The following FLCN variants were observed in gnomAD, a reference collection of about 807,000 sequenced individuals.
FLCN encodes folliculin.
A neutral mutation model predicts 62.5 loss-of-function variants in FLCN; 22 were observed. The ratio of observed to expected loss-of-function variants is 0.35; its 90% CI spans 0.25 to 0.50. The LOEUF (loss-of-function observed/expected upper bound fraction) is 0.50. Among genes scored for constraint, FLCN ranks in the 20% least tolerant of loss-of-function variants. The pLI is 0.97. For missense variants in FLCN, 657 were observed against 778.0 expected, an observed-to-expected ratio of 0.84 and a Z score of 1.85; for synonymous variants, 319 against 310.0, an observed-to-expected ratio of 1.03 and a Z score of -0.30.
chr17:17,216,588 CG>C lies in FLCN; in HGVS notation c.1177-86del, dbSNP rs1310492341. The C allele has an allele frequency of 1.6e-5, 26 of 1,586,280 alleles. No homozygotes were observed. In the East Asian group the frequency reaches 5.9e-4, roughly 36 times the overall value. ...CATGCTCTACTACCCAAACCCCACA[CG>C]CCTCCTGCAGCCCGGTCCAAGCCCT... On this transcript the variant is annotated intron_variant, in intron 10 of 13. Transcript: ENST00000285071. This position sits in a 1 kb window ranked among gnomAD's most constrained non-coding sequence, Gnocchi z 4.0.
At chr17:17,223,666 C>T (rs530691205) in intron 6 of FLCN, among the ~76,000 whole-genome samples, 5 of 152,360 alleles carry the variant, frequency 3.3e-5, no homozygotes, top group African/African-American at 1.2e-4. Flanking sequence ...CACCAGGGGT[C>T]TGACTGCAGC....
intron 13 of FLCN, 97 bp downstream of exon 13, chr17:17,214,888 C>T (rs2046862437): frequency 1.8e-5 from 24 of 1,305,620 alleles, no homozygotes; most frequent in Admixed American, 1.0e-4. Flanking sequence ...CTCTCGGCTC[C>T]TCCCTCAGTG....
chr17:17,217,307 C>T (rs1297931535), intron 9 of FLCN, 125 bp from the exon 10 acceptor site: 2 of 748,110 alleles, frequency 2.7e-6, no homozygotes, highest in Middle Eastern at 2.4e-4. Flanking sequence ...GAGAAAGACA[C>T]TTATCTTCTC....
intron 4 of FLCN, among the ~76,000 whole-genome samples, chr17:17,227,312 C>T (rs766399626): frequency 4.6e-5 from 7 of 151,828 alleles, no homozygotes; most frequent in Non-Finnish European, 1.0e-4. Flanking sequence ...GTCCTGGGAG[C>T]AGGAAACTCC....
intron 3 of FLCN, among the ~76,000 whole-genome samples, chr17:17,231,193 G>A (rs12602871): frequency 0.14 from 21,722 of 152,172 alleles, 1,901 homozygotes; most frequent in South Asian, 0.25. Context: ...GAGAGACTCC[G>A]TCTCAAAATA....
Position 17,215,332 on chromosome 17 carries a change from G to T in FLCN, c.1301-16C>A. ...ACAGCAAACTCTGTAACAACACAAG[G>T]CCCGTGGCTCCTCATCTCCCCCATG... is the stretch of plus-strand genomic sequence containing the variant. On this transcript the variant is annotated splice_polypyrimidine_tract_variant and intron_variant, in intron 11 of 13. Transcript: ENST00000285071. 1 of 1,613,652 alleles carries T rather than the reference G, an allele frequency of 6.2e-7. No individual in the cohort carries two copies. Among genetic ancestry groups the T allele is most frequent in the Non-Finnish European group, 8.5e-7 (1 of 1,180,008 alleles).
At position 17,219,208 on chromosome 17, in the gene FLCN, A is replaced by C. The variant is rs767527483; in HGVS notation, c.873T>G (p.Asp291Glu). The change falls in exon 9 of 14, where the codon GAT becomes GAG. Residue 291 changes from aspartate (D) to glutamate (E), a missense_variant and splice_region_variant. By Grantham distance (45) the Asp-to-Glu change is conservative. Transcript: ENST00000285071. The part of the protein sequence containing the change: ...DTLVQMEKLA[D>E]LEEESESWDN... ...CCCAGCTTTCTGATTCCTCTTCTAA[A>C]TCTGCAAGACAGATGACAAGGACAG... is the stretch of plus-strand genomic sequence containing the variant. The C allele has an allele frequency of 2.3e-5, 37 of 1,613,804 alleles. No homozygotes were observed. Among genetic ancestry groups the C allele is most frequent in the Non-Finnish European group, 3.1e-5 (37 of 1,180,012 alleles).
Position 17,222,639 on chromosome 17 carries a change from C to A in FLCN, c.641G>T (p.Gly214Val). The A allele has an allele frequency of 6.2e-7, 1 of 1,614,198 alleles. No individual in the cohort carries two copies. The change falls in exon 7 of 14, where the codon GGA becomes GTA. Residue 214 changes from glycine (G) to valine (V), a missense_variant. Transcript: ENST00000285071. ...ALKVFEAEQF[G>V]CPQRAQRMNT... ...CATCCTCTGAGCACGCTGTGGGCAT[C>A]CAAACTGCTCTGCCTCAAACACCTG...
intron 7 of FLCN, 58 bp from the exon 8 acceptor site, chr17:17,221,686 G>A (rs1179821354): frequency 7.1e-6 from 11 of 1,550,698 alleles, no homozygotes; most frequent in South Asian, 5.7e-5. Context: ...CAAACCTGAC[G>A]CTCACCCAGC....
At chr17:17,222,377 C>T in intron 7 of FLCN, 124 bp downstream of exon 7, 1 of 1,385,990 alleles carries the variant, frequency 7.2e-7, no homozygotes, top group South Asian at 1.2e-5. Flanking sequence ...CAGGCCAGTG[C>T]TCCTCACAGA....
rs201282009 is a variant in FLCN at position 17,221,379 on chromosome 17, T to G, written c.871+158A>C. 4.8e-5 allele frequency: 77 copies of G among 1,609,458 alleles called. No individual in the cohort carries two copies. The African/African-American group carries it at 8.9e-4, about 19-fold the overall frequency. On this transcript the variant is annotated intron_variant, in intron 8 of 13. Transcript: ENST00000285071. ...CAGGAAATCACAACAATCACAACAA[T>G]CACACCGAGATCGGAGGGTGAGCTT... is the stretch of plus-strand genomic sequence containing the variant.
At chr17:17,215,112 G>T in intron 12 of FLCN, 22 bp from the exon 13 acceptor site, 1 of 1,613,938 alleles carries the variant, frequency 6.2e-7, no homozygotes, top group South Asian at 1.1e-5. Context: ...GGCAGGGGCA[G>T]AGCAAGGGCA....
intron 6 of FLCN, chr17:17,223,100 C>CTT (rs998065148): frequency 1.3e-4 from 33 of 256,066 alleles, no homozygotes; most frequent in South Asian, 2.4e-4. Context: ...TTTTTCCTTT[C>CTT]TTTTTTTTTT....
chr17:17,221,938 T>C (rs1208548305), intron 7 of FLCN, among the ~76,000 whole-genome samples: 1 of 151,952 alleles, frequency 6.6e-6, no homozygotes, highest in Non-Finnish European at 1.5e-5. Flanking sequence ...GCACAAGGGC[T>C]TGCAGCCTGG....
chr17:17,225,994 G>T, intron 5 of FLCN, 182 bp downstream of exon 5: 1 of 821,912 alleles, frequency 1.2e-6, no homozygotes, highest in Non-Finnish European at 2.1e-6. Flanking sequence ...AGTCCAACAT[G>T]ACTCCTCCCG....
At position 17,216,375 on chromosome 17, in the gene FLCN, C is replaced by T. The variant is rs746264578; in HGVS notation, c.1300+5G>A. ...CATGGCCCCACAGCCCGCGGGGGCA[C>T]GCACCTGAGGAGAGCACGTGGGGGG... On this transcript the variant is annotated splice_donor_5th_base_variant and intron_variant, in intron 11 of 13. Coordinates refer to ENST00000285071, the MANE Select transcript of FLCN (RefSeq NM_144997.7). The surrounding 1 kb of genome is among the most constrained non-coding windows in gnomAD (Gnocchi z 4.0). The T allele has an allele frequency of 3.1e-6, 5 of 1,613,106 alleles. No individual in the cohort carries two copies. Among genetic ancestry groups the T allele is most frequent in the East Asian group, 4.5e-5 (2 of 44,870 alleles).
Position 17,215,220 on chromosome 17 carries a change from A to G in FLCN, c.1397T>C (p.Val466Ala), listed in dbSNP as rs1473423234. 2.5e-6 allele frequency: 4 copies of G among 1,614,214 alleles called. No homozygotes were observed. In the East Asian group the frequency reaches 8.9e-5, roughly 36 times the overall value. Reference sequence around the variant, plus strand: ...AGCTACAGGGCTCCCACTGGTCACCACAAACTCGTACTTGCTGAGAGACTG... The same window carrying G: ...AGCTACAGGGCTCCCACTGGTCACCGCAAACTCGTACTTGCTGAGAGACTG... ...DDQSLSKYEFVVTSGSPVAAD... is the reference protein window; with the variant it reads ...DDQSLSKYEFAVTSGSPVAAD... Residue 466 changes from valine (V) to alanine (A), a missense_variant, in exon 12 of 14, where the codon GTG (valine) becomes GCG (alanine). By Grantham distance (64) the Val-to-Ala change is moderately conservative. Coordinates refer to ENST00000285071, the MANE Select transcript of FLCN (RefSeq NM_144997.7).
rs759772780 is a variant in FLCN at position 17,227,931 on chromosome 17, G to C, written c.207C>G (p.Val69=). ...RAHSPAEGAS[V]ESSSPGPKKS... ...TTTTGGGCCCCGGGCTGCTGGACTC[G>C]ACGCTGGCCCCCTCTGCGGGGCTGT... Residue 69 remains valine (V), a synonymous_variant, in exon 4 of 14, where the codon GTC becomes GTG. Transcript: ENST00000285071. 2 of 1,614,072 alleles carry C rather than the reference G, an allele frequency of 1.2e-6. No individual in the cohort carries two copies.
intron 9 of FLCN, chr17:17,217,445 G>A (rs556813142): frequency 2.4e-5 from 13 of 532,610 alleles, no homozygotes; most frequent in Non-Finnish European, 3.7e-5. Flanking sequence ...AAAATTTGAA[G>A]CAAAAAGATG....
Sources: allele counts gnomAD v4.1 joint callset (sites outside exome capture counted in the v4.1 genomes callset), GRCh38; gene constraint gnomAD v4.1.1; non-coding constraint Gnocchi (gnomAD v3.1); transcripts MANE v1.5; gene names NCBI Gene and HGNC (gene_info 2026-07-23, HGNC 2026-07-21).